The following CSMD3 variants were observed in gnomAD, a reference collection of about 807,000 sequenced individuals.
CSMD3 encodes the protein CUB and Sushi multiple domains 3, also known as CUB and sushi domain-containing protein 3.
Under a neutral mutation model 435.2 loss-of-function variants are expected in CSMD3, and 177 were observed. The observed-to-expected ratio is 0.41, with a 90% CI of 0.36 to 0.46. CSMD3 has a LOEUF of 0.46. Among genes scored for constraint, CSMD3 ranks in the 20% least tolerant of loss-of-function variants. CSMD3 has a pLI of 0.34. For synonymous variants in CSMD3, 1,656 were observed against 1,520.5 expected, an observed-to-expected ratio of 1.09 and a Z score of -2.07; for missense variants, 4,265 against 4,504.6, an observed-to-expected ratio of 0.95 and a Z score of 1.52.
rs1380264540 is a variant in CSMD3 at position 112,859,141 on chromosome 8, T to G, written c.1755+4A>C. ...TTTTTAAATCACAGATGGTGTTCTC[T>G]TACCTTATTTGTATTCACTGCTGTG... On this transcript the variant is annotated splice_donor_region_variant and intron_variant, in intron 11 of 70. Coordinates refer to ENST00000297405, the MANE Select transcript of CSMD3 (RefSeq NM_198123.2). 1.2e-6 allele frequency: 2 copies of G among 1,609,816 alleles called. No homozygotes were observed. Among genetic ancestry groups the G allele is most frequent in the Admixed American group, 1.7e-5 (1 of 59,874 alleles).
chr8:113,023,132 T>C (rs1309083919), intron 5 of CSMD3, among the ~76,000 whole-genome samples: 2 of 152,050 alleles, frequency 1.3e-5, no homozygotes, highest in Admixed American at 1.3e-4. Flanking sequence ...ATAAGATAAA[T>C]TGTCAGGTCC....
At chr8:113,040,194 T>G (rs1028419965) in intron 5 of CSMD3, among the ~76,000 whole-genome samples, 1 of 152,178 alleles carries the variant, frequency 6.6e-6, no homozygotes, top group Non-Finnish European at 1.5e-5. Context: ...ATCATATATA[T>G]GCATGGAATC....
At chr8:113,131,903 C>G (rs763499015) in intron 4 of CSMD3, among the ~76,000 whole-genome samples, 1 of 152,194 alleles carries the variant, frequency 6.6e-6, no homozygotes, top group Admixed American at 6.5e-5. Flanking sequence ...CTATTTTGCT[C>G]AGGCTGGTCT....
Position 113,295,860 on chromosome 8 carries a change from C to A in CSMD3, c.402-17156G>T, listed in dbSNP as rs190710587. On this transcript the variant is annotated intron_variant, in intron 2 of 70. Transcript: ENST00000297405. ...GACACATGCACATGTATGTTTATTG[C>A]GGCACTATTCACAATAGCAAAGACC... Among the ~76,000 whole-genome samples, 15 of 152,178 alleles carry A rather than the reference C, an allele frequency of 9.9e-5. No homozygotes were observed. In the South Asian group the frequency reaches 3.1e-3, roughly 32 times the overall value.
intron 10 of CSMD3, among the ~76,000 whole-genome samples, chr8:112,877,783 T>C (rs1564057276): frequency 6.6e-6 from 1 of 152,094 alleles, no homozygotes; most frequent in Non-Finnish European, 1.5e-5. Flanking sequence ...AACCATCTGA[T>C]CTCTGACAAA....
chr8:112,573,993 T>A (rs568764088), intron 23 of CSMD3, among the ~76,000 whole-genome samples: 2 of 152,124 alleles, frequency 1.3e-5, no homozygotes, highest in South Asian at 4.1e-4. Flanking sequence ...GTTGGTTACT[T>A]GGTTACTTGG....
At position 113,154,611 on chromosome 8, in the gene CSMD3, T is replaced by A. The variant is rs143535125; in HGVS notation, c.709+19111A>T. On this transcript the variant is annotated intron_variant, in intron 4 of 70. Coordinates refer to ENST00000297405, the MANE Select transcript of CSMD3 (RefSeq NM_198123.2). ...TCTTGTATTCAGGGCAGTAGAAGAATGAATATAGTGAATAACAGAAGTAAA... is the reference window on the plus strand; with the variant it reads ...TCTTGTATTCAGGGCAGTAGAAGAAAGAATATAGTGAATAACAGAAGTAAA... Among the ~76,000 whole-genome samples the A allele has an allele frequency of 8.4e-3, 1,270 of 152,084 alleles. 17 individuals are homozygous for A. The highest frequency in any genetic ancestry group is 0.029 in the African/African-American group (1,212 of 41,540).
chr8:112,902,880 G>T (rs2130453756), intron 10 of CSMD3, among the ~76,000 whole-genome samples: 1 of 151,274 alleles, frequency 6.6e-6, no homozygotes, highest in African/African-American at 2.4e-5. Context: ...GTTGAGAGTT[G>T]GAATGAACTC....
At chr8:112,291,417 GAT>G (rs1819750306) in intron 56 of CSMD3, 91 bp downstream of exon 56, 4 of 884,138 alleles carry the variant, frequency 4.5e-6, no homozygotes, top group Non-Finnish European at 7.4e-6. Context: ...GCTTCTCTGT[GAT>G]ATATATCTTT....
chr8:112,412,660 C>A (rs1325904714), intron 32 of CSMD3, among the ~76,000 whole-genome samples: 1 of 151,912 alleles, frequency 6.6e-6, no homozygotes. Context: ...TAAAAGCAAA[C>A]ATAAAAATTA....
chr8:112,989,460 A>G (rs1296412966), intron 6 of CSMD3, among the ~76,000 whole-genome samples: 1 of 152,076 alleles, frequency 6.6e-6, no homozygotes, highest in Non-Finnish European at 1.5e-5. Flanking sequence ...TGAATACTAC[A>G]TACTGAGTTT....
At chr8:112,852,895 C>A (rs2080533867) in intron 11 of CSMD3, among the ~76,000 whole-genome samples, 1 of 149,064 alleles carries the variant, frequency 6.7e-6, no homozygotes, top group African/African-American at 2.5e-5. Context: ...GTACTCCAGC[C>A]TGGGTGACAG....
intron 3 of CSMD3, among the ~76,000 whole-genome samples, chr8:113,273,849 C>G (rs147371184): frequency 1.6e-4 from 25 of 152,090 alleles, no homozygotes; most frequent in African/African-American, 5.8e-4. Context: ...ATAGCTAATA[C>G]AGAGAAATAT....
chr8:112,894,652 A>G (rs1450699128), intron 10 of CSMD3, among the ~76,000 whole-genome samples: 1 of 151,290 alleles, frequency 6.6e-6, no homozygotes, highest in African/African-American at 2.4e-5. Context: ...TTTTGTTGCT[A>G]TTTTTAGTAA....
At chr8:112,525,095 A>G (rs1255591010) in intron 27 of CSMD3, among the ~76,000 whole-genome samples, 1 of 151,830 alleles carries the variant, frequency 6.6e-6, no homozygotes, top group Non-Finnish European at 1.5e-5. Context: ...GCTACCTGGT[A>G]AGCTCAGGTT....
At chr8:112,755,755 G>A (rs1406407471) in intron 13 of CSMD3, among the ~76,000 whole-genome samples, 1 of 150,456 alleles carries the variant, frequency 6.6e-6, no homozygotes, top group Non-Finnish European at 1.5e-5. Context: ...GATGGAGGAA[G>A]AGGAGAGGAA....
intron 5 of CSMD3, among the ~76,000 whole-genome samples, chr8:113,056,247 A>G (rs545826168): frequency 1.3e-5 from 2 of 152,298 alleles, no homozygotes; most frequent in South Asian, 4.1e-4. Context: ...AGCAGGAACC[A>G]TAAGTGTGGA....
intron 1 of CSMD3, among the ~76,000 whole-genome samples, chr8:113,362,005 T>C (rs544481222): frequency 1.0e-3 from 156 of 152,310 alleles, no homozygotes; most frequent in South Asian, 7.0e-3. Context: ...TAAGCTCTGA[T>C]TGGCCTCCAT....
intron 13 of CSMD3, among the ~76,000 whole-genome samples, chr8:112,747,612 T>C (rs1474251473): frequency 6.6e-6 from 1 of 152,148 alleles, no homozygotes; most frequent in African/African-American, 2.4e-5. Flanking sequence ...CTGTAAATTG[T>C]CAGAGTAATT....
Sources: gnomAD v4.1 joint callset for allele counts (sites outside exome capture counted in the v4.1 genomes callset) on GRCh38, gnomAD v4.1.1 for gene constraint, MANE v1.5 for transcripts, NCBI Gene and HGNC (gene_info 2026-07-23, HGNC 2026-07-21) for gene names.